The following LNX1 variants were observed in gnomAD, a reference collection of about 807,000 sequenced individuals.
LNX1 encodes the protein ligand of numb-protein X 1.
Under a neutral mutation model 68.4 loss-of-function variants are expected in LNX1, and 54 were observed. The observed-to-expected ratio is 0.79, with a 90% CI of 0.63 to 0.99. The LOEUF (loss-of-function observed/expected upper bound fraction) is 0.99, where lower values mean the gene tolerates loss of function less well. LNX1 is among the 50% of genes least tolerant of loss of function. The pLI is 0.00. For missense variants in LNX1, 906 were observed against 926.4 expected, an observed-to-expected ratio of 0.98 and a Z score of 0.29; for synonymous variants, 336 against 350.0, an observed-to-expected ratio of 0.96 and a Z score of 0.45.
chr4:53,575,674 C>G lies in LNX1; in HGVS notation c.-86-1586G>C, dbSNP rs946938620. On this transcript the variant is annotated intron_variant, in intron 1 of 10. Coordinates refer to ENST00000263925, the MANE Select transcript of LNX1 (RefSeq NM_001126328.3). ...GGCACCAGGTATCTGCATCTGGGAC[C>G]CACCCCCTGGGCTGGCTAATCAAGG... 5.1e-6 allele frequency: 7 copies of G among 1,385,724 alleles called. No homozygotes were observed. In the African/African-American group the frequency reaches 1.0e-4, roughly 20 times the overall value. The allele number at this position is 1,385,724 out of a possible 1,614,324, so 85.8% of individuals were successfully genotyped here.
chr4:53,571,562 T>G (rs554575223), intron 2 of LNX1, among the ~76,000 whole-genome samples: 1 of 152,144 alleles, frequency 6.6e-6, no homozygotes, highest in Admixed American at 6.5e-5. Context: ...GGAAAGGGAT[T>G]CTCCCCTGAA....
intron 2 of LNX1, among the ~76,000 whole-genome samples, chr4:53,518,617 T>TAGTAAAG (rs1726969423): frequency 6.6e-6 from 1 of 152,112 alleles, no homozygotes; most frequent in Non-Finnish European, 1.5e-5. Context: ...GAGGGTCCTA[T>TAGTAAAG]TATACTCCCA....
rs118190461 is a variant in LNX1 at position 53,560,214 on chromosome 4, C to T, written c.380+13409G>A. Among the ~76,000 whole-genome samples, 29 of 152,234 alleles carry T rather than the reference C, an allele frequency of 1.9e-4. No individual in the cohort carries two copies. In the East Asian group the frequency reaches 5.2e-3, roughly 27 times the overall value. ...GATGTATTATAAAGGTTGTGGACTTCATATTGGTATTGGATTGTATTTCTG... is the reference window on the plus strand; with the variant it reads ...GATGTATTATAAAGGTTGTGGACTTTATATTGGTATTGGATTGTATTTCTG... On this transcript the variant is annotated intron_variant, in intron 2 of 10. Transcript: ENST00000263925.
chr4:53,580,010 G>T (rs1325421604), intron 1 of LNX1, among the ~76,000 whole-genome samples: 1 of 152,154 alleles, frequency 6.6e-6, no homozygotes, highest in East Asian at 1.9e-4. Flanking sequence ...TAGTCACATG[G>T]CGGTGTGTCC....
At chr4:53,630,789 G>A (rs1216954673) in intron 1 of LNX1, among the ~76,000 whole-genome samples, 3 of 152,212 alleles carry the variant, frequency 2.0e-5, no homozygotes, top group African/African-American at 4.8e-5. Context: ...GGAAGCTAAC[G>A]TGGTAGTTCC....
At chr4:53,463,530 TG>T (rs1264046628) in intron 9 of LNX1, among the ~76,000 whole-genome samples, 3 of 152,100 alleles carry the variant, frequency 2.0e-5, no homozygotes, top group African/African-American at 7.2e-5. Flanking sequence ...CTGGGAAATG[TG>T]GCAGCTGTTT....
At chr4:53,473,716 C>T (rs1353010388) in intron 9 of LNX1, among the ~76,000 whole-genome samples, 1 of 152,026 alleles carries the variant, frequency 6.6e-6, no homozygotes, top group Admixed American at 6.6e-5. Flanking sequence ...AGGCTTAGTA[C>T]CTGGGTACTG....
At chr4:53,472,080 A>G (rs1723230424) in intron 9 of LNX1, among the ~76,000 whole-genome samples, 1 of 152,214 alleles carries the variant, frequency 6.6e-6, no homozygotes, top group Non-Finnish European at 1.5e-5. Flanking sequence ...AAGACTTGGA[A>G]CCAACCCAAA....
In LNX1 at chr4:53,496,058, A is replaced by G. The variant is rs137886645; in HGVS notation, c.1315T>C (p.Tyr439His). The change falls in exon 6 of 11, where the codon TAT becomes CAT. Residue 439 changes from tyrosine to histidine, a missense_variant. Transcript: ENST00000263925. Reference protein sequence around the residue: ...VLAINGHDLRYGSPESAAHLI... With the variant: ...VLAINGHDLRHGSPESAAHLI... ...TGAGCCGCACTTTCTGGGCTGCCAT[A>G]TCGAAGATCATGTCCATTGATGGCT... 407 of 1,614,026 alleles carry G rather than the reference A, an allele frequency of 2.5e-4. 1 individual carries two copies. The highest frequency in any genetic ancestry group is 5.0e-4 in the Middle Eastern group (3 of 6,058).
intron 2 of LNX1, among the ~76,000 whole-genome samples, chr4:53,528,993 G>A (rs1187590297): frequency 2.6e-5 from 4 of 152,032 alleles, no homozygotes; most frequent in African/African-American, 9.7e-5. Context: ...AATACAGAGA[G>A]AATGCATATT....
intron 2 of LNX1, among the ~76,000 whole-genome samples, chr4:53,519,175 C>T (rs1440858641): frequency 3.3e-5 from 5 of 152,214 alleles, no homozygotes; most frequent in African/African-American, 9.6e-5. Flanking sequence ...CAGCAAGCAT[C>T]GTAGAAGCAG....
chr4:53,554,813 T>C (rs1353485913), intron 2 of LNX1, among the ~76,000 whole-genome samples: 2 of 150,628 alleles, frequency 1.3e-5, no homozygotes, highest in African/African-American at 2.5e-5. Context: ...GATTGTACCA[T>C]TGCACTCCAG....
upstream of LNX1, among the ~76,000 whole-genome samples, chr4:53,619,500 T>C (rs1196280473): frequency 2.6e-5 from 4 of 152,224 alleles, no homozygotes; most frequent in Admixed American, 2.0e-4. Flanking sequence ...TCAAGTTTCA[T>C]GCGTGTTGGG....
chr4:53,515,750 T>C (rs1174240283), intron 2 of LNX1, among the ~76,000 whole-genome samples: 1 of 152,176 alleles, frequency 6.6e-6, no homozygotes, highest in African/African-American at 2.4e-5. Flanking sequence ...GAGGGTCTTC[T>C]AAGAAAGATG....
At chr4:53,516,460 G>A (rs985627538) in intron 2 of LNX1, among the ~76,000 whole-genome samples, 58 of 152,150 alleles carry the variant, frequency 3.8e-4, no homozygotes, top group Non-Finnish European at 2.4e-4. Context: ...AGAGCTAAGT[G>A]TCAGGAGAGC....
At chr4:53,467,280 C>T (rs1211847556) in intron 9 of LNX1, among the ~76,000 whole-genome samples, 1 of 152,104 alleles carries the variant, frequency 6.6e-6, no homozygotes, top group Non-Finnish European at 1.5e-5. Context: ...AGCTGAGGGT[C>T]CTGACTGCTG....
At chr4:53,544,140 G>A (rs73147411) in intron 2 of LNX1, among the ~76,000 whole-genome samples, 23,810 of 152,086 alleles carry the variant, frequency 0.16, 2,035 homozygotes, top group East Asian at 0.23. Context: ...CTATCTAGGT[G>A]TTTGAGAGCA....
At chr4:53,571,953 G>A (rs538410716) in intron 2 of LNX1, among the ~76,000 whole-genome samples, 11 of 152,228 alleles carry the variant, frequency 7.2e-5, no homozygotes, top group East Asian at 1.9e-4. Context: ...GAGCCACTGC[G>A]CCCAGCAATT....
intron 2 of LNX1, chr4:53,508,454 T>A (rs1726088479): frequency 1.8e-6 from 1 of 545,328 alleles, no homozygotes; most frequent in South Asian, 2.3e-5. Context: ...GCCCACTGCA[T>A]TCTCTTAAAG....
Sources: allele counts gnomAD v4.1 joint callset (sites outside exome capture counted in the v4.1 genomes callset), GRCh38; gene constraint gnomAD v4.1.1; transcripts MANE v1.5; gene names NCBI Gene and HGNC (gene_info 2026-07-23, HGNC 2026-07-21).